TMEM150C: variants seen among roughly 807,000 people sequenced by gnomAD.
The protein encoded by TMEM150C is tentonin 3.
A neutral mutation model predicts 29.9 loss-of-function variants in TMEM150C; 10 were observed. That is an observed-to-expected ratio of 0.33 (90% CI 0.21 to 0.57). The LOEUF (loss-of-function observed/expected upper bound fraction) is 0.57, where lower values mean the gene tolerates loss of function less well. TMEM150C is among the 20% of genes least tolerant of loss of function. The pLI, the probability that TMEM150C is intolerant of heterozygous loss-of-function variation, is 0.88. For synonymous variants in TMEM150C, 101 were observed against 112.5 expected, an observed-to-expected ratio of 0.90 and a Z score of 0.64; for missense variants, 251 against 303.6, an observed-to-expected ratio of 0.83 and a Z score of 1.29.
rs147929036 is a variant in TMEM150C, at chr4:82,540,658, A to C, written c.-11+21248T>G. Among the ~76,000 whole-genome samples the C allele has an allele frequency of 2.1e-3, 316 of 152,224 alleles. 2 individuals carry two copies. The highest frequency in any genetic ancestry group is 7.1e-3 in the African/African-American group (293 of 41,532). On this transcript the variant is annotated intron_variant, in intron 1 of 7. Transcript: ENST00000449862. ...TTATTTACATAATTACTATATTTTT[A>C]TCCTGACACAAAGACAGGTTGATTT...
intron 1 of TMEM150C, among the ~76,000 whole-genome samples, chr4:82,531,995 ATTAAG>A (rs1724862373): frequency 6.6e-6 from 1 of 152,136 alleles, no homozygotes; most frequent in Admixed American, 6.6e-5. Context: ...CCAGGTTATA[ATTAAG>A]TTGAGAAAGG....
At chr4:82,486,471 T>C in intron 7 of TMEM150C, among the ~76,000 whole-genome samples, 1 of 151,926 alleles carries the variant, frequency 6.6e-6, no homozygotes, top group Non-Finnish European at 1.5e-5. Flanking sequence ...TGTGTTTGGC[T>C]CTGCAGTGCT....
At chr4:82,495,809 C>A in intron 6 of TMEM150C, 1 of 453,644 alleles carries the variant, frequency 2.2e-6, no homozygotes, top group South Asian at 2.8e-5. Flanking sequence ...ATATGCTTCT[C>A]ATAAAAAGTA....
chr4:82,507,641 T>G (rs373734022), intron 1 of TMEM150C, among the ~76,000 whole-genome samples: 1 of 151,446 alleles, frequency 6.6e-6, no homozygotes. Context: ...CTGAGCTGCC[T>G]TGGCTTGACA....
At chr4:82,558,408 A>G (rs1226584807) in intron 1 of TMEM150C, among the ~76,000 whole-genome samples, 3 of 152,224 alleles carry the variant, frequency 2.0e-5, no homozygotes, top group Non-Finnish European at 4.4e-5. Flanking sequence ...ATAGATGCCA[A>G]AAAGGAAAAT....
rs368395387 is a variant in TMEM150C at position 82,517,527 on chromosome 4, G to A, written c.-10-12860C>T. Among the ~76,000 whole-genome samples the A allele has an allele frequency of 2.6e-5, 4 of 152,186 alleles. No homozygotes were observed. The East Asian group carries it at 5.8e-4, about 22-fold the overall frequency. On this transcript the variant is annotated intron_variant, in intron 1 of 7. Coordinates refer to ENST00000449862, the MANE Select transcript of TMEM150C (RefSeq NM_001080506.3). Reference sequence around the variant, plus strand: ...GCCCTGATAGAGCAAAAAGGCAGAGGAGGAATGAATTCTCTCTTTTCTTGC... The same window carrying A: ...GCCCTGATAGAGCAAAAAGGCAGAGAAGGAATGAATTCTCTCTTTTCTTGC...
At chr4:82,517,576 C>T (rs1405025467) in intron 1 of TMEM150C, among the ~76,000 whole-genome samples, 2 of 152,154 alleles carry the variant, frequency 1.3e-5, no homozygotes, top group Non-Finnish European at 2.9e-5. Flanking sequence ...TCTTCTACTG[C>T]CCTTGGACAT....
intron 1 of TMEM150C, among the ~76,000 whole-genome samples, chr4:82,555,308 A>C (rs1360131480): frequency 6.6e-6 from 1 of 152,240 alleles, no homozygotes; most frequent in Non-Finnish European, 1.5e-5. Flanking sequence ...GATTTATAAG[A>C]CAGACATATC....
At chr4:82,514,756 A>G (rs1229248740) in intron 1 of TMEM150C, among the ~76,000 whole-genome samples, 1 of 152,200 alleles carries the variant, frequency 6.6e-6, no homozygotes, top group African/African-American at 2.4e-5. Context: ...ATGGAATGTA[A>G]GCCTGCCTGG....
At chr4:82,498,220 G>C (rs1369535246) in intron 5 of TMEM150C, among the ~76,000 whole-genome samples, 3 of 151,292 alleles carry the variant, frequency 2.0e-5, no homozygotes, top group Non-Finnish European at 4.4e-5. Flanking sequence ...TCACCATATT[G>C]GTCAGGCTGG....
chr4:82,493,403 A>T (rs1428755354), intron 6 of TMEM150C, among the ~76,000 whole-genome samples: 1 of 152,148 alleles, frequency 6.6e-6, no homozygotes, highest in South Asian at 2.1e-4. Context: ...AGTTAAACTT[A>T]AAAAAATTAT....
chr4:82,540,471 G>A (rs1196796049), intron 1 of TMEM150C, among the ~76,000 whole-genome samples: 2 of 151,712 alleles, frequency 1.3e-5, no homozygotes, highest in Non-Finnish European at 2.9e-5. Context: ...ACTGAAGGGT[G>A]TTTTCTTAAA....
At chr4:82,493,752 A>G (rs1357461073) in intron 6 of TMEM150C, among the ~76,000 whole-genome samples, 1 of 152,202 alleles carries the variant, frequency 6.6e-6, no homozygotes, top group Non-Finnish European at 1.5e-5. Flanking sequence ...ACAAAATTTC[A>G]GTTAAAATGC....
intron 5 of TMEM150C, among the ~76,000 whole-genome samples, chr4:82,496,524 C>T (rs1221511936): frequency 6.6e-6 from 1 of 152,186 alleles, no homozygotes; most frequent in Admixed American, 6.5e-5. Context: ...GATGATAGGA[C>T]TATGAATAGT....
chr4:82,533,192 T>G (rs1321011967), intron 1 of TMEM150C, among the ~76,000 whole-genome samples: 1 of 152,090 alleles, frequency 6.6e-6, no homozygotes, highest in Non-Finnish European at 1.5e-5. Flanking sequence ...CTATAACATC[T>G]GCCTGATTCC....
intron 1 of TMEM150C, among the ~76,000 whole-genome samples, chr4:82,557,898 T>A (rs1273248741): frequency 6.6e-6 from 1 of 151,922 alleles, no homozygotes; most frequent in African/African-American, 2.4e-5. Context: ...GCAGCTAATT[T>A]TTTTTTGTAT....
At chr4:82,550,163 C>T (rs1725521402) in intron 1 of TMEM150C, among the ~76,000 whole-genome samples, 1 of 152,130 alleles carries the variant, frequency 6.6e-6, no homozygotes, top group Non-Finnish European at 1.5e-5. Flanking sequence ...CCATGCTGTT[C>T]TCATGGTAGT....
At chr4:82,491,869 A>G (rs1159862519) in intron 6 of TMEM150C, among the ~76,000 whole-genome samples, 1 of 151,936 alleles carries the variant, frequency 6.6e-6, no homozygotes, top group Non-Finnish European at 1.5e-5. Context: ...ACAGACAACT[A>G]AAACCCTTTA....
upstream of TMEM150C, chr4:82,562,008 G>C (rs1232202005): frequency 5.3e-6 from 6 of 1,122,088 alleles, no homozygotes; most frequent in South Asian, 1.1e-4. Context: ...CCTTCAGGAA[G>C]GGGTGGGATC....
Sources: gnomAD v4.1 joint callset for allele counts (sites outside exome capture counted in the v4.1 genomes callset) on GRCh38, gnomAD v4.1.1 for gene constraint, MANE v1.5 for transcripts, NCBI Gene and HGNC (gene_info 2026-07-23, HGNC 2026-07-21) for gene names.